The following NCAM1 variants were observed in gnomAD, a reference collection of about 807,000 sequenced individuals.
The protein encoded by NCAM1 is antigen recognized by monoclonal antibody 5.1H11.
NCAM1 carries 14 observed loss-of-function variants against 109.8 expected under a neutral mutation model. The observed-to-expected ratio is 0.13, with a 90% CI of 0.08 to 0.20. NCAM1 has a LOEUF of 0.20. NCAM1 is among the 10% of genes least tolerant of loss of function. The pLI, the probability that NCAM1 is intolerant of heterozygous loss-of-function variation, is 1.00. For synonymous variants in NCAM1, 418 were observed against 442.9 expected, an observed-to-expected ratio of 0.94 and a Z score of 0.70; for missense variants, 774 against 1,109.9, an observed-to-expected ratio of 0.70 and a Z score of 4.30.
Position 112,961,440 on chromosome 11 carries a change from G to C in NCAM1, c.-173G>C, listed in dbSNP as rs1209157703. ...CTGTCACTCATTCTCCGATCAGCGC[G>C]TGAACGCAGCTCGGCTGCCGCTGGC... On this transcript the variant is annotated 5_prime_UTR_variant, in exon 1 of 20. Transcript: ENST00000316851. The C allele has an allele frequency of 7.8e-6, 6 of 766,396 alleles. No homozygotes were observed. Among genetic ancestry groups the C allele is most frequent in the Non-Finnish European group, 1.5e-5 (6 of 412,494 alleles). The allele number at this position is 766,396 out of a possible 1,614,324, so 47.5% of individuals were successfully genotyped here. A position where few individuals can be genotyped will look rare whatever the true frequency, so the allele number is the denominator to read the frequency against.
intron 1 of NCAM1, among the ~76,000 whole-genome samples, chr11:113,165,986 AT>A (rs1368306948): frequency 0.012 from 1,777 of 145,072 alleles, 25 homozygotes; most frequent in African/African-American, 0.044. Context: ...TGCCCGGCTA[AT>A]TTTTTTTTTA....
chr11:113,235,826 A>C (rs643830), intron 14 of NCAM1, among the ~76,000 whole-genome samples: 2,244 of 152,166 alleles, frequency 0.015, 55 homozygotes, highest in African/African-American at 0.051. Context: ...TCTTTCTTTT[A>C]ACTACGCCTA....
At chr11:113,052,001 T>C (rs569732878) in intron 1 of NCAM1, among the ~76,000 whole-genome samples, 15 of 152,332 alleles carry the variant, frequency 9.8e-5, no homozygotes, top group African/African-American at 2.9e-4. Context: ...AATGCTCCTG[T>C]GGCCGCATGA....
intron 9 of NCAM1, among the ~76,000 whole-genome samples, chr11:113,230,324 G>A (rs1243076028): frequency 1.3e-5 from 2 of 152,176 alleles, no homozygotes; most frequent in Admixed American, 6.5e-5. Context: ...AGGGAGGAAT[G>A]GCACTTGCAG....
chr11:113,125,109 G>C (rs918325188), intron 1 of NCAM1, among the ~76,000 whole-genome samples: 2 of 152,188 alleles, frequency 1.3e-5, no homozygotes, highest in Admixed American at 1.3e-4. Flanking sequence ...GAGCAATATA[G>C]GATGCCACCC....
In NCAM1 at chr11:113,222,904, G is replaced by C. The variant is rs560711277; in HGVS notation, c.1089+1579G>C. 3.3e-5 allele frequency among the ~76,000 whole-genome samples: 5 copies of C among 152,250 alleles called. No individual in the cohort carries two copies. In the South Asian group the frequency reaches 8.3e-4, roughly 25 times the overall value. ...TGAATGCTGCCCCTAGGGCTCAGAAGTTCCATTCTCTCCTGTTTGTCTCAT... is the reference window on the plus strand; with the variant it reads ...TGAATGCTGCCCCTAGGGCTCAGAACTTCCATTCTCTCCTGTTTGTCTCAT... On this transcript the variant is annotated intron_variant, in intron 9 of 19. Coordinates refer to ENST00000316851, the MANE Select transcript of NCAM1 (RefSeq NM_181351.5).
intron 1 of NCAM1, among the ~76,000 whole-genome samples, chr11:113,187,490 A>C (rs1591398040): frequency 6.6e-6 from 1 of 152,092 alleles, no homozygotes; most frequent in East Asian, 1.9e-4. Flanking sequence ...AAACAGGCAA[A>C]TAACTCACAG....
chr11:113,186,685 T>C (rs1943518326), intron 1 of NCAM1, among the ~76,000 whole-genome samples: 1 of 152,140 alleles, frequency 6.6e-6, no homozygotes, highest in African/African-American at 2.4e-5. Context: ...AATCCAGAAG[T>C]GTCACATTTT....
chr11:113,019,005 C>T (rs140085588), intron 1 of NCAM1, among the ~76,000 whole-genome samples: 8 of 152,048 alleles, frequency 5.3e-5, no homozygotes, highest in Admixed American at 4.6e-4. Flanking sequence ...GATGGTTTAT[C>T]CCCTATCTTT....
chr11:113,020,089 C>T (rs1030558878), intron 1 of NCAM1, among the ~76,000 whole-genome samples: 1 of 152,206 alleles, frequency 6.6e-6, no homozygotes, highest in African/African-American at 2.4e-5. Context: ...TGGGAGACAG[C>T]CATGCAGTCC....
At chr11:113,191,754 T>C (rs1286915313) in intron 1 of NCAM1, among the ~76,000 whole-genome samples, 1 of 122,772 alleles carries the variant, frequency 8.1e-6, no homozygotes, top group Admixed American at 9.8e-5. Flanking sequence ...TATGTGTGTA[T>C]ATGTGTGTGT....
intron 1 of NCAM1, among the ~76,000 whole-genome samples, chr11:113,043,447 C>T (rs1555080293): frequency 6.6e-6 from 1 of 152,202 alleles, no homozygotes; most frequent in African/African-American, 2.4e-5. Flanking sequence ...AGCGATTCTC[C>T]TGCCCCAGCC....
At chr11:113,266,057 G>A (rs1190354202) in intron 17 of NCAM1, among the ~76,000 whole-genome samples, 1 of 152,192 alleles carries the variant, frequency 6.6e-6, no homozygotes, top group Non-Finnish European at 1.5e-5. Context: ...AGCCTTCTTT[G>A]CATCCAAGGT....
intron 2 of NCAM1, among the ~76,000 whole-genome samples, chr11:113,202,927 G>A (rs1484516995): frequency 1.3e-5 from 2 of 152,178 alleles, no homozygotes; most frequent in Non-Finnish European, 2.9e-5. Flanking sequence ...CTTTTGTTGT[G>A]AGGACATATA....
At chr11:113,215,922 T>A (rs1412301611) in intron 8 of NCAM1, among the ~76,000 whole-genome samples, 1 of 152,242 alleles carries the variant, frequency 6.6e-6, no homozygotes, top group Non-Finnish European at 1.5e-5. Context: ...CAGATCTTTC[T>A]ACATCAGCTT....
At chr11:113,261,506 TG>T (rs1332006158) in intron 17 of NCAM1, among the ~76,000 whole-genome samples, 2 of 152,090 alleles carry the variant, frequency 1.3e-5, no homozygotes, top group African/African-American at 2.4e-5. Context: ...CAGTGCTTGC[TG>T]GGGTGGGTGT....
chr11:113,220,978 G>A (rs1353724975), intron 8 of NCAM1, among the ~76,000 whole-genome samples: 3 of 152,094 alleles, frequency 2.0e-5, no homozygotes, highest in African/African-American at 7.2e-5. Context: ...CAAATACTAT[G>A]AGCAATATTT....
In NCAM1 at chr11:112,988,751, A is replaced by ATTTTTT. The variant is rs140491695; in HGVS notation, c.52+27097_52+27102dup. Among the ~76,000 whole-genome samples the ATTTTTT allele has an allele frequency of 1.2e-4, 17 of 137,902 alleles. 1 individual carries two copies. Among genetic ancestry groups the ATTTTTT allele is most frequent in the African/African-American group, 4.1e-4 (15 of 37,034 alleles). The allele number at this position is 137,902 out of a possible 152,430, so 90.5% of individuals were successfully genotyped here. A position where few individuals can be genotyped will look rare whatever the true frequency, so the allele number is the denominator to read the frequency against. On this transcript the variant is annotated intron_variant, in intron 1 of 19. Coordinates refer to ENST00000316851, the MANE Select transcript of NCAM1 (RefSeq NM_181351.5). ...CTCTTTGTCTTTGACTTTCAACAGTATTTTTTTTTTTTTTTGAGATGGATT... is the reference window on the plus strand; with the variant it reads ...CTCTTTGTCTTTGACTTTCAACAGTATTTTTTTTTTTTTTTTTTTTTGAGATGGATT...
intron 1 of NCAM1, among the ~76,000 whole-genome samples, chr11:113,148,596 C>T (rs1203091968): frequency 1.3e-5 from 2 of 152,138 alleles, no homozygotes; most frequent in Middle Eastern, 3.4e-3. Context: ...TTTTTGTTAA[C>T]GTTAGGTAAG....
Sources: allele counts gnomAD v4.1 joint callset (sites outside exome capture counted in the v4.1 genomes callset), GRCh38; gene constraint gnomAD v4.1.1; transcripts MANE v1.5; gene names NCBI Gene and HGNC (gene_info 2026-07-23, HGNC 2026-07-21).